Variants in MAPK4 observed in about 807,000 individuals in gnomAD.
MAPK4 encodes Erk3-related.
A neutral mutation model predicts 47.7 loss-of-function variants in MAPK4; 22 were observed. The observed-to-expected ratio is 0.46, with a 90% CI of 0.33 to 0.66. MAPK4 has a LOEUF of 0.66. Ranked by LOEUF, MAPK4 falls within the 30% of genes least tolerant of loss-of-function variation. MAPK4 has a pLI of 0.02. For synonymous variants in MAPK4, 390 were observed against 365.7 expected (o/e 1.07, Z -0.76); for missense variants, 736 against 831.7 (o/e 0.88, Z 1.42).
At chr18:50,725,776 A>G (rs1397761543) in intron 4 of MAPK4, among the ~76,000 whole-genome samples, 186 bp from the exon 5 acceptor site, 1 of 152,244 alleles carries the variant, frequency 6.6e-6, no homozygotes, top group Admixed American at 6.5e-5. Flanking sequence ...AAAATCTAGA[A>G]GGCAGCATCT....
At chr18:50,635,223 C>T (rs1489103232) in intron 1 of MAPK4, among the ~76,000 whole-genome samples, 1 of 152,160 alleles carries the variant, frequency 6.6e-6, no homozygotes, top group Non-Finnish European at 1.5e-5. Context: ...ATTCTGAAAC[C>T]AAACCCAGAG....
At chr18:50,577,409 A>G (rs2149361065) in intron 1 of MAPK4, among the ~76,000 whole-genome samples, 1 of 152,280 alleles carries the variant, frequency 6.6e-6, no homozygotes, top group Middle Eastern at 3.4e-3. Context: ...TGCATGTTAG[A>G]ATCATCTGGG....
At chr18:50,651,636 G>A (rs1354672287) in intron 1 of MAPK4, among the ~76,000 whole-genome samples, 1 of 152,186 alleles carries the variant, frequency 6.6e-6, no homozygotes, top group Non-Finnish European at 1.5e-5. Context: ...CACAGAGGAG[G>A]GCAGCGGACA....
intron 1 of MAPK4, among the ~76,000 whole-genome samples, chr18:50,589,280 G>T (rs2042414522): frequency 6.6e-6 from 1 of 152,098 alleles, no homozygotes; most frequent in Admixed American, 6.6e-5. Flanking sequence ...AAAAAACTTG[G>T]AGAAATGACC....
At chr18:50,616,268 C>T (rs534833814) in intron 1 of MAPK4, among the ~76,000 whole-genome samples, 29 of 152,234 alleles carry the variant, frequency 1.9e-4, no homozygotes, top group East Asian at 1.4e-3. Context: ...GGCATCACGT[C>T]GGATTGCCTG....
chr18:50,683,890 C>T (rs904601769), intron 2 of MAPK4, among the ~76,000 whole-genome samples: 2 of 152,072 alleles, frequency 1.3e-5, no homozygotes, highest in African/African-American at 4.8e-5. Flanking sequence ...TAGATTGTCT[C>T]GCTTCTCTCT....
intron 1 of MAPK4, among the ~76,000 whole-genome samples, chr18:50,595,578 T>A (rs1481648259): frequency 1.3e-5 from 2 of 152,202 alleles, no homozygotes; most frequent in African/African-American, 4.8e-5. Flanking sequence ...GGAAGCTTTC[T>A]GGGGTAACAG....
intron 1 of MAPK4, among the ~76,000 whole-genome samples, chr18:50,657,949 T>G (rs1186554536): frequency 6.6e-6 from 1 of 151,882 alleles, no homozygotes; most frequent in Non-Finnish European, 1.5e-5. Context: ...GTGGCCACAG[T>G]CAGTGTCAGC....
intron 1 of MAPK4, among the ~76,000 whole-genome samples, chr18:50,619,908 G>A (rs577346657): frequency 6.6e-6 from 1 of 152,340 alleles, no homozygotes; most frequent in Admixed American, 6.5e-5. Context: ...GGGTCCACAG[G>A]GAGGCTGGCG....
intron 1 of MAPK4, among the ~76,000 whole-genome samples, chr18:50,572,634 A>C (rs1025063148): frequency 1.3e-5 from 2 of 151,876 alleles, no homozygotes; most frequent in African/African-American, 4.8e-5. Flanking sequence ...TAGAGGCAGT[A>C]AAAAAAAGTC....
chr18:50,645,540 T>C (rs1300666828), intron 1 of MAPK4, among the ~76,000 whole-genome samples: 4 of 152,204 alleles, frequency 2.6e-5, no homozygotes, highest in African/African-American at 7.2e-5. Context: ...GCCACAGTTA[T>C]CTTATTTTAA....
intron 1 of MAPK4, among the ~76,000 whole-genome samples, chr18:50,647,946 C>T (rs1015866779): frequency 7.2e-5 from 11 of 152,170 alleles, no homozygotes; most frequent in African/African-American, 2.7e-4. Context: ...TCCCTAGGCC[C>T]ATTCCCACCC....
intron 3 of MAPK4, among the ~76,000 whole-genome samples, chr18:50,719,873 C>A (rs560690896): frequency 5.9e-5 from 9 of 152,290 alleles, no homozygotes; most frequent in African/African-American, 2.2e-4. Flanking sequence ...AAGTGTCCAA[C>A]GAAGAAAGGT....
intron 1 of MAPK4, among the ~76,000 whole-genome samples, chr18:50,601,358 A>T (rs1180184490): frequency 7.6e-6 from 1 of 131,496 alleles, no homozygotes; most frequent in Non-Finnish European, 1.7e-5. Flanking sequence ...AAAAAAAAAA[A>T]AGTTAGGGTG....
intron 1 of MAPK4, among the ~76,000 whole-genome samples, chr18:50,580,096 C>A (rs2042330390): frequency 6.6e-6 from 1 of 152,180 alleles, no homozygotes; most frequent in Admixed American, 6.5e-5. Context: ...GGGAGCCTAG[C>A]AGGGATCTCA....
chr18:50,613,205 A>G (rs1395533036), intron 1 of MAPK4, among the ~76,000 whole-genome samples: 2 of 152,138 alleles, frequency 1.3e-5, no homozygotes, highest in African/African-American at 4.8e-5. Flanking sequence ...TGTCACTCCT[A>G]TGATCATGTT....
chr18:50,706,419 T>G (rs1331891077), intron 2 of MAPK4, among the ~76,000 whole-genome samples: 1 of 134,412 alleles, frequency 7.4e-6, no homozygotes, highest in Non-Finnish European at 1.6e-5. Context: ...CCCCCACAGA[T>G]TCTGATGTGA....
In MAPK4 at chr18:50,663,076, A is replaced by G. The variant is rs561556983; in HGVS notation, c.-870-13A>G. The G allele has an allele frequency of 2.0e-5, 3 of 152,334 alleles. No homozygotes were observed. The South Asian group carries it at 6.2e-4, about 32-fold the overall frequency. 9.4% of individuals were successfully genotyped at this position (152,334 alleles called of 1,614,324 possible). ...GGAGTGTGGAAATTTACCCAACGTT[A>G]TTTCTTTGACAGGGAAGGAGACTTG... On this transcript the variant is annotated splice_polypyrimidine_tract_variant and intron_variant, in intron 1 of 5. Coordinates refer to ENST00000400384, the MANE Select transcript of MAPK4 (RefSeq NM_002747.4).
At chr18:50,657,295 G>T (rs1043889683) in intron 1 of MAPK4, among the ~76,000 whole-genome samples, 1 of 152,206 alleles carries the variant, frequency 6.6e-6, no homozygotes, top group Non-Finnish European at 1.5e-5. Flanking sequence ...ACAGGGATGG[G>T]TTTGGGAGAT....
Sources: gnomAD v4.1 joint callset for allele counts (sites outside exome capture counted in the v4.1 genomes callset) on GRCh38, gnomAD v4.1.1 for gene constraint, MANE v1.5 for transcripts, NCBI Gene and HGNC (gene_info 2026-07-23, HGNC 2026-07-21) for gene names.